SCFD2: variants seen among roughly 807,000 people sequenced by gnomAD.
The protein encoded by SCFD2 is sec1 family domain containing 2.
SCFD2 carries 54 observed loss-of-function variants against 58.9 expected under a neutral mutation model. That is an observed-to-expected ratio of 0.92 (90% confidence interval 0.74 to 1.15). SCFD2 has a LOEUF of 1.15. SCFD2 is among the 50% of genes most tolerant of loss of function. The probability of loss-of-function intolerance (pLI) is 0.00; values close to 1 mark genes in which losing one functional copy is unlikely to be tolerated. For synonymous variants in SCFD2, 321 were observed against 335.9 expected (o/e 0.96, Z 0.49); for missense variants, 805 against 836.6 (o/e 0.96, Z 0.47).
intron 6 of SCFD2, among the ~76,000 whole-genome samples, chr4:52,910,404 G>T (rs1320796274): frequency 6.6e-6 from 1 of 152,036 alleles, no homozygotes; most frequent in African/African-American, 2.4e-5. Flanking sequence ...ACCATAACAT[G>T]GACAGGCTAA....
chr4:53,331,533 GT>G (rs1733469807), intron 2 of SCFD2, among the ~76,000 whole-genome samples: 1 of 152,166 alleles, frequency 6.6e-6, no homozygotes, highest in Non-Finnish European at 1.5e-5. Context: ...CAATAAAGAT[GT>G]TCTTTGAAAC....
chr4:52,951,142 C>T (rs578251761), intron 5 of SCFD2: 1 of 152,282 alleles, frequency 6.6e-6, no homozygotes, highest in South Asian at 2.1e-4. Flanking sequence ...TAAGAGGTGG[C>T]TTTGATTGAT....
chr4:53,109,772 A>G (rs1725115885), intron 5 of SCFD2, among the ~76,000 whole-genome samples: 1 of 152,198 alleles, frequency 6.6e-6, no homozygotes, highest in Admixed American at 6.5e-5. Context: ...AAGAATCAAT[A>G]TCATGAAAAT....
intron 4 of SCFD2, among the ~76,000 whole-genome samples, chr4:53,228,589 C>G (rs1729309215): frequency 2.0e-5 from 3 of 152,208 alleles, no homozygotes; most frequent in Admixed American, 2.0e-4. Flanking sequence ...GCTAAAAACT[C>G]TCAATAAATT....
intron 5 of SCFD2, among the ~76,000 whole-genome samples, chr4:53,142,699 A>G (rs539282124): frequency 1.3e-5 from 2 of 152,230 alleles, no homozygotes; most frequent in East Asian, 3.9e-4. Flanking sequence ...TAAATCAATA[A>G]TCATTTCAGC....
intron 4 of SCFD2, among the ~76,000 whole-genome samples, chr4:53,269,241 C>T (rs940449516): frequency 6.6e-6 from 1 of 152,152 alleles, no homozygotes; most frequent in Non-Finnish European, 1.5e-5. Context: ...GGGAGGATCA[C>T]TTGAGCCCGG....
chr4:52,880,104 C>A (rs566665643), intron 8 of SCFD2, among the ~76,000 whole-genome samples: 198 of 152,236 alleles, frequency 1.3e-3, no homozygotes, highest in Middle Eastern at 0.01. Context: ...AACATCTGAC[C>A]TGACTACCGC....
At chr4:52,984,044 GC>G (rs1229646662) in intron 5 of SCFD2, among the ~76,000 whole-genome samples, 1 of 152,168 alleles carries the variant, frequency 6.6e-6, no homozygotes, top group African/African-American at 2.4e-5. Flanking sequence ...CCACTTCTCT[GC>G]AAAGCAGTTG....
intron 5 of SCFD2, among the ~76,000 whole-genome samples, chr4:53,024,026 A>G (rs370465096): frequency 1.5e-4 from 23 of 152,304 alleles, no homozygotes; most frequent in African/African-American, 5.1e-4. Flanking sequence ...GCTGGCTTGG[A>G]ACACAAACTC....
chr4:53,029,214 A>G (rs1163848955), intron 5 of SCFD2, among the ~76,000 whole-genome samples: 3 of 151,986 alleles, frequency 2.0e-5, no homozygotes, highest in Non-Finnish European at 4.4e-5. Flanking sequence ...AGTTTATGCC[A>G]ATCTTCATCT....
intron 2 of SCFD2, among the ~76,000 whole-genome samples, chr4:53,349,048 C>T (rs1734140440): frequency 6.6e-6 from 1 of 152,118 alleles, no homozygotes; most frequent in African/African-American, 2.4e-5. Context: ...ATAACACTCA[C>T]TCATAGTCTA....
chr4:52,932,536 G>C (rs1239320934), intron 5 of SCFD2, among the ~76,000 whole-genome samples: 1 of 152,134 alleles, frequency 6.6e-6, no homozygotes, highest in African/African-American at 2.4e-5. Flanking sequence ...GGGAATAGTA[G>C]TGTCTTTTTT....
At chr4:53,298,848 C>T (rs1198215381) in intron 3 of SCFD2, among the ~76,000 whole-genome samples, 1 of 152,118 alleles carries the variant, frequency 6.6e-6, no homozygotes, top group African/African-American at 2.4e-5. Flanking sequence ...CTGGAGTGGA[C>T]CTCCAGTAAA....
chr4:52,925,371 T>C (rs144913987), intron 5 of SCFD2, among the ~76,000 whole-genome samples: 43 of 137,882 alleles, frequency 3.1e-4, no homozygotes, highest in African/African-American at 1.1e-3. Flanking sequence ...TATATATATA[T>C]ACATGATCAA....
chr4:53,317,147 A>G (rs145303413), intron 2 of SCFD2, among the ~76,000 whole-genome samples: 1 of 152,172 alleles, frequency 6.6e-6, no homozygotes, highest in East Asian at 1.9e-4. Context: ...GATATGTGTG[A>G]GAGTTCCTAA....
intron 5 of SCFD2, among the ~76,000 whole-genome samples, chr4:52,987,263 G>C (rs1396982767): frequency 6.6e-6 from 1 of 152,126 alleles, no homozygotes; most frequent in Admixed American, 6.5e-5. Flanking sequence ...TGATCCGCCC[G>C]CCTCGGCCTC....
At chr4:53,007,404 AG>A (rs1560508098) in intron 5 of SCFD2, among the ~76,000 whole-genome samples, 1,373 of 111,950 alleles carry the variant, frequency 0.012, 13 homozygotes, top group African/African-American at 0.017. Context: ...GAAGGAAGGA[AG>A]GGAGGGAGGG....
intron 4 of SCFD2, among the ~76,000 whole-genome samples, chr4:53,219,232 G>A (rs1440286898): frequency 6.6e-6 from 1 of 152,236 alleles, no homozygotes; most frequent in Non-Finnish European, 1.5e-5. Flanking sequence ...CCTGCCCCAA[G>A]AGGTGGAGTC....
chr4:53,215,369 G>A (rs1415153924), intron 4 of SCFD2, among the ~76,000 whole-genome samples: 24 of 151,878 alleles, frequency 1.6e-4, no homozygotes, highest in South Asian at 1.0e-3. Context: ...GGTCCTTCAC[G>A]TCCCTTGTAA....
Sources: gnomAD v4.1 joint callset for allele counts (sites outside exome capture counted in the v4.1 genomes callset) on GRCh38, gnomAD v4.1.1 for gene constraint, MANE v1.5 for transcripts, NCBI Gene and HGNC (gene_info 2026-07-23, HGNC 2026-07-21) for gene names.